The following TRIM27 variants were observed in gnomAD, a reference collection of about 807,000 sequenced individuals.
The protein encoded by TRIM27 is zinc finger protein RFP.
In TRIM27, 12 loss-of-function variants were observed where a neutral mutation model predicts 57.6. That is an observed-to-expected ratio of 0.21 (90% confidence interval 0.13 to 0.34). The LOEUF (loss-of-function observed/expected upper bound fraction) is 0.34. TRIM27 is among the 10% of genes least tolerant of loss of function. TRIM27 has a pLI of 1.00. For synonymous variants in TRIM27, 266 were observed against 259.0 expected, an observed-to-expected ratio of 1.03 and a Z score of -0.26; for missense variants, 403 against 656.8, an observed-to-expected ratio of 0.61 and a Z score of 4.22.
intron 4 of TRIM27, 24 bp from the exon 5 acceptor site, chr6:28,909,112 A>AT (rs199893944): frequency 0.12 from 142,019 of 1,151,188 alleles, no homozygotes; most frequent in South Asian, 0.15. Context: ...ACATGAGTAA[A>AT]TTTTTTTTTT....
intron 4 of TRIM27, among the ~76,000 whole-genome samples, chr6:28,909,739 A>G (rs1187794191): frequency 6.6e-6 from 1 of 152,208 alleles, no homozygotes. Context: ...GTTCCCAAAT[A>G]TGGAAAGAAT....
intron 4 of TRIM27, 47 bp from the exon 5 acceptor site, chr6:28,909,135 G>A: frequency 7.3e-7 from 1 of 1,363,944 alleles, no homozygotes; most frequent in Non-Finnish European, 1.0e-6. Flanking sequence ...TTGAGATGGA[G>A]TTTCGCTTGT....
chr6:28,914,663 C>G (rs1236990142), intron 3 of TRIM27: 1 of 149,732 alleles, frequency 6.7e-6, no homozygotes, highest in African/African-American at 2.5e-5. Context: ...ACACTGAAAT[C>G]CGAGACTTCA....
At chr6:28,911,598 G>A (rs1581496687) in intron 4 of TRIM27, 98 bp downstream of exon 4, 2 of 1,216,910 alleles carry the variant, frequency 1.6e-6, no homozygotes, top group Non-Finnish European at 2.4e-6. Context: ...TTGATAAGAT[G>A]TCCATCCTCA....
intron 1 of TRIM27, among the ~76,000 whole-genome samples, chr6:28,922,905 C>A (rs540254481): frequency 6.6e-6 from 1 of 152,176 alleles, no homozygotes; most frequent in South Asian, 2.1e-4. Flanking sequence ...TCGATGTGTA[C>A]GCGGTTTTAT....
At chr6:28,907,597 A>G (rs1387827949) in intron 6 of TRIM27, 1 of 593,858 alleles carries the variant, frequency 1.7e-6, no homozygotes, top group East Asian at 3.7e-5. Context: ...ACCCCACGTC[A>G]TACATAACTT....
At chr6:28,909,609 T>C (rs1274140635) in intron 4 of TRIM27, among the ~76,000 whole-genome samples, 1 of 152,204 alleles carries the variant, frequency 6.6e-6, no homozygotes, top group East Asian at 1.9e-4. Flanking sequence ...TCACAGCTTT[T>C]CAAATACTAA....
chr6:28,912,362 G>A lies in TRIM27; in HGVS notation c.748-644C>T, dbSNP rs12525861. Reference sequence around the variant, plus strand: ...TGACCTCAGGTGATCCACCCACCTCGGCCTCTCAAAGTGCTGGGATTACAA... The same window carrying A: ...TGACCTCAGGTGATCCACCCACCTCAGCCTCTCAAAGTGCTGGGATTACAA... On this transcript the variant is annotated intron_variant, in intron 3 of 7. Coordinates refer to ENST00000377199, the MANE Select transcript of TRIM27 (RefSeq NM_006510.5). 4.7e-3 allele frequency among the ~76,000 whole-genome samples: 721 copies of A among 152,040 alleles called. 30 individuals carry two copies. The highest frequency in any genetic ancestry group is 0.044 in the Admixed American group (678 of 15,256).
chr6:28,913,873 A>C (rs1378932899), intron 3 of TRIM27, among the ~76,000 whole-genome samples: 1 of 151,442 alleles, frequency 6.6e-6, no homozygotes, highest in Non-Finnish European at 1.5e-5. Context: ...TTCAATTTTA[A>C]TACTATCTTT....
chr6:28,907,108 G>C, intron 7 of TRIM27, 128 bp downstream of exon 7: 1 of 824,088 alleles, frequency 1.2e-6, no homozygotes, highest in Non-Finnish European at 1.9e-6. Context: ...TGGTTGTTGT[G>C]TATCATCTTT....
chr6:28,923,975 G>T lies in TRIM27; in HGVS notation c.-343C>A. ...ACGTGGCCGCGTCCGAGCGGATGCCGGCGGCAGCGTAAACCCCACCCCAGC... is the reference window on the plus strand; with the variant it reads ...ACGTGGCCGCGTCCGAGCGGATGCCTGCGGCAGCGTAAACCCCACCCCAGC... On this transcript the variant is annotated 5_prime_UTR_variant, in exon 1 of 8. Transcript: ENST00000377199. 1 of 336,010 alleles carries T rather than the reference G, an allele frequency of 3.0e-6. No individual in the cohort carries two copies. The highest frequency in any genetic ancestry group is 5.4e-6 in the Non-Finnish European group (1 of 186,656). The allele number at this position is 336,010 out of a possible 1,614,324, so 20.8% of individuals were successfully genotyped here. A position where few individuals can be genotyped will look rare whatever the true frequency, so the allele number is the denominator to read the frequency against.
At chr6:28,907,691 A>C (rs897747960) in intron 6 of TRIM27, 1 of 442,934 alleles carries the variant, frequency 2.3e-6, no homozygotes. Flanking sequence ...ATGACCATTC[A>C]TTTATAAGGC....
At chr6:28,922,084 C>T in intron 1 of TRIM27, 97 bp from the exon 2 acceptor site, 1 of 924,420 alleles carries the variant, frequency 1.1e-6, no homozygotes. Flanking sequence ...CACCTGATGC[C>T]AAGTCTCCAG....
At chr6:28,920,357 G>C (rs936935244) in intron 2 of TRIM27, 115 bp from the exon 3 acceptor site, 1 of 810,252 alleles carries the variant, frequency 1.2e-6, no homozygotes, top group Non-Finnish European at 1.9e-6. Flanking sequence ...AACAAGCACA[G>C]TGCTAACTCA....
intron 4 of TRIM27, among the ~76,000 whole-genome samples, chr6:28,910,581 T>C (rs1214695211): frequency 6.6e-6 from 1 of 152,120 alleles, no homozygotes; most frequent in Non-Finnish European, 1.5e-5. Context: ...CCACCTGACT[T>C]GGCCTCCCAA....
In TRIM27 at chr6:28,923,705, C is replaced by G; in HGVS notation, c.-73G>C. 4 of 1,421,610 alleles carry G rather than the reference C, an allele frequency of 2.8e-6. No individual in the cohort carries two copies. The highest frequency in any genetic ancestry group is 3.7e-6 in the Non-Finnish European group (4 of 1,075,194). 88.1% of individuals were successfully genotyped at this position (1,421,610 alleles called of 1,614,324 possible). A position where few individuals can be genotyped will look rare whatever the true frequency, so the allele number is the denominator to read the frequency against. On this transcript the variant is annotated 5_prime_UTR_variant, in exon 1 of 8. Coordinates refer to ENST00000377199, the MANE Select transcript of TRIM27 (RefSeq NM_006510.5). ...CTGCACTGAGCCCAACTCTCCGGCG[C>G]TCTCTCCGGTTCGCTGTTCCTGAGA... is the stretch of plus-strand genomic sequence containing the variant.
At chr6:28,910,480 C>A (rs1022492085) in intron 4 of TRIM27, among the ~76,000 whole-genome samples, 1 of 152,138 alleles carries the variant, frequency 6.6e-6, no homozygotes, top group Non-Finnish European at 1.5e-5. Context: ...CAGGCATGCA[C>A]CACCACGCCC....
intron 1 of TRIM27, 90 bp from the exon 2 acceptor site, chr6:28,922,077 C>G (rs541443006): frequency 1.0e-6 from 1 of 974,852 alleles, no homozygotes; most frequent in African/African-American, 1.6e-5. Flanking sequence ...GTCCACACAC[C>G]TGATGCCAAG....
chr6:28,904,831 G>C lies in TRIM27; in HGVS notation c.947-166C>G. The stretch of plus-strand genomic sequence containing the variant: ...TTCACATTTCAAAAATTACTGCTTG[G>C]ATTAGCTGGTTACCAGAATACTCTG... On this transcript the variant is annotated intron_variant, in intron 7 of 7. Transcript: ENST00000377199. This position sits in a 1 kb window ranked among gnomAD's most constrained non-coding sequence, Gnocchi z 6.1. The C allele has an allele frequency of 3.4e-6, 2 of 590,534 alleles. No individual in the cohort carries two copies. Among genetic ancestry groups the C allele is most frequent in the Non-Finnish European group, 5.9e-6 (2 of 337,906 alleles). 36.6% of individuals were successfully genotyped at this position (590,534 alleles called of 1,614,324 possible).
Sources: gnomAD v4.1 joint callset for allele counts (sites outside exome capture counted in the v4.1 genomes callset) on GRCh38, gnomAD v4.1.1 for gene constraint, Gnocchi (gnomAD v3.1) non-coding constraint, MANE v1.5 for transcripts, NCBI Gene and HGNC (gene_info 2026-07-23, HGNC 2026-07-21) for gene names.